RPSA2: variants seen among roughly 807,000 people sequenced by gnomAD.
RPSA2 encodes small ribosomal subunit protein uS2B.
the RPSA2 span, among the ~76,000 whole-genome samples, chr19:23,870,630 T>C: frequency 6.6e-6 from 1 of 152,206 alleles, no homozygotes; most frequent in Admixed American, 6.5e-5. Context: ...TCCTTGGAAC[T>C]ATCTAAAGTA....
the RPSA2 span, among the ~76,000 whole-genome samples, chr19:23,780,112 AC>A: frequency 6.6e-6 from 1 of 152,168 alleles, no homozygotes; most frequent in South Asian, 2.1e-4. Context: ...AGCTAGGCTT[AC>A]AAAAAGGAGT....
chr19:23,847,955 AGGC>A, the RPSA2 span, among the ~76,000 whole-genome samples: 1 of 152,268 alleles, frequency 6.6e-6, no homozygotes, highest in Admixed American at 6.5e-5. Context: ...CTGACCCCGC[AGGC>A]AGTCAGACCT....
At chr19:23,836,734 T>A in the RPSA2 span, among the ~76,000 whole-genome samples, 1 of 152,188 alleles carries the variant, frequency 6.6e-6, no homozygotes, top group Non-Finnish European at 1.5e-5. Context: ...TGGTATCGCA[T>A]TGTGGTTTGA....
At chr19:23,778,665 G>A in the RPSA2 span, among the ~76,000 whole-genome samples, 6 of 152,042 alleles carry the variant, frequency 3.9e-5, no homozygotes, top group Non-Finnish European at 7.4e-5. Flanking sequence ...CAAGTGATGC[G>A]ATTCTTCTGC....
chr19:23,818,003 T>C, the RPSA2 span: 21 of 152,182 alleles, frequency 1.4e-4, no homozygotes, highest in Admixed American at 1.4e-3. Context: ...AAAATTGTTT[T>C]TCCCATCATT....
chr19:23,785,143 G>T, the RPSA2 span, among the ~76,000 whole-genome samples: 1 of 152,118 alleles, frequency 6.6e-6, no homozygotes, highest in Non-Finnish European at 1.5e-5. Context: ...TCTTTTTCCA[G>T]CCTTGGTGTT....
At chr19:23,808,373 G>A in the RPSA2 span, among the ~76,000 whole-genome samples, 35 of 150,068 alleles carry the variant, frequency 2.3e-4, no homozygotes, top group Non-Finnish European at 3.8e-4. Context: ...AGGTTCAAGC[G>A]ATTCTGCCTC....
At chr19:23,792,072 TG>T in the RPSA2 span, among the ~76,000 whole-genome samples, 2 of 152,234 alleles carry the variant, frequency 1.3e-5, no homozygotes, top group African/African-American at 4.8e-5. Flanking sequence ...AATAATTGTC[TG>T]AAAGGAATAA....
At chr19:23,800,792 C>T in the RPSA2 span, among the ~76,000 whole-genome samples, 16 of 151,812 alleles carry the variant, frequency 1.1e-4, no homozygotes, top group Non-Finnish European at 2.2e-4. Flanking sequence ...TTTGTATTTT[C>T]AGTAGAGACA....
chr19:23,802,259 A>T, the RPSA2 span, among the ~76,000 whole-genome samples: 1 of 152,214 alleles, frequency 6.6e-6, no homozygotes, highest in African/African-American at 2.4e-5. Flanking sequence ...TGAGAGATCA[A>T]GGCCACAAAG....
the RPSA2 span, among the ~76,000 whole-genome samples, chr19:23,856,837 G>A: frequency 6.6e-6 from 1 of 152,256 alleles, no homozygotes; most frequent in East Asian, 1.9e-4. Flanking sequence ...TGTAAGAACA[G>A]GGAGTAGGTC....
At chr19:23,762,685 A>AAT in the RPSA2 span, among the ~76,000 whole-genome samples, 2 of 151,798 alleles carry the variant, frequency 1.3e-5, no homozygotes, top group Non-Finnish European at 2.9e-5. Flanking sequence ...TCAAAAAAAA[A>AAT]AAAAAAAGTC....
At chr19:23,781,775 A>G in the RPSA2 span, among the ~76,000 whole-genome samples, 1 of 152,160 alleles carries the variant, frequency 6.6e-6, no homozygotes, top group South Asian at 2.1e-4. Flanking sequence ...CATGTGTGTA[A>G]TTGTTAATGT....
At chr19:23,859,990 A>G in the RPSA2 span, among the ~76,000 whole-genome samples, 1 of 152,244 alleles carries the variant, frequency 6.6e-6, no homozygotes, top group African/African-American at 2.4e-5. Context: ...TGGGCTCAAA[A>G]GTCTCTTAAA....
the RPSA2 span, chr19:23,831,953 C>G: frequency 2.8e-6 from 1 of 353,814 alleles, no homozygotes; most frequent in South Asian, 2.9e-5. Flanking sequence ...AGCATTTATA[C>G]TAGAGAGAAG....
the RPSA2 span, among the ~76,000 whole-genome samples, chr19:23,800,051 CAG>C: frequency 1.6e-5 from 2 of 124,488 alleles, no homozygotes; most frequent in South Asian, 2.6e-4. Flanking sequence ...TTTTTTGAGA[CAG>C]AGTCTCGCTG....
At chr19:23,824,866 CT>C in the RPSA2 span, among the ~76,000 whole-genome samples, 1 of 150,980 alleles carries the variant, frequency 6.6e-6, no homozygotes, top group Admixed American at 6.6e-5. Flanking sequence ...AGTTTTCACC[CT>C]TTTTTATCTT....
the RPSA2 span, among the ~76,000 whole-genome samples, chr19:23,844,702 TATAATATA>T: frequency 1.3e-5 from 2 of 150,978 alleles, no homozygotes; most frequent in Non-Finnish European, 3.0e-5. Context: ...TCCATTTTTT[TATAATATA>T]ATAATAATAT....
the RPSA2 span, among the ~76,000 whole-genome samples, chr19:23,823,521 CTCTT>C: frequency 6.6e-6 from 1 of 152,166 alleles, no homozygotes; most frequent in Non-Finnish European, 1.5e-5. Context: ...CCAAAACCAT[CTCTT>C]TCACACACAG....
Sources: allele counts gnomAD v4.1 joint callset (sites outside exome capture counted in the v4.1 genomes callset), GRCh38; gene constraint gnomAD v4.1.1; transcripts MANE v1.5; gene names NCBI Gene and HGNC (gene_info 2026-07-23, HGNC 2026-07-21).